SLC44A5: variants seen among roughly 807,000 people sequenced by gnomAD.
SLC44A5 encodes choline transporter-like protein 5.
In SLC44A5, 57 loss-of-function variants were observed where a neutral mutation model predicts 101.8. That is an observed-to-expected ratio of 0.56 (90% CI 0.45 to 0.70). The LOEUF is 0.70. Among genes scored for constraint, SLC44A5 ranks in the 30% least tolerant of loss-of-function variants. The pLI, the probability that SLC44A5 is intolerant of heterozygous loss-of-function variation, is 0.00. For missense variants in SLC44A5, 737 were observed against 853.1 expected (o/e 0.86, Z 1.70); for synonymous variants, 281 against 290.9 (o/e 0.97, Z 0.35).
At chr1:75,206,686 T>C (rs1418165026) in intron 23 of SLC44A5, 2 of 1,612,830 alleles carry the variant, frequency 1.2e-6, no homozygotes, top group Admixed American at 1.7e-5. Flanking sequence ...GTAGGGTTTT[T>C]CTGTAGATCC....
At chr1:75,470,653 A>G (rs1356144168) in intron 2 of SLC44A5, among the ~76,000 whole-genome samples, 5 of 152,044 alleles carry the variant, frequency 3.3e-5, no homozygotes, top group African/African-American at 1.2e-4. Context: ...AACCTACACC[A>G]TGAGTAGGTG....
the SLC44A5 span, among the ~76,000 whole-genome samples, chr1:75,683,809 GA>G: frequency 1.3e-5 from 2 of 150,984 alleles, no homozygotes; most frequent in South Asian, 4.2e-4. Flanking sequence ...AATAAGACAG[GA>G]AAAAAAGAAG....
intron 1 of SLC44A5, among the ~76,000 whole-genome samples, chr1:75,560,808 A>G (rs1672476863): frequency 6.6e-6 from 1 of 152,132 alleles, no homozygotes; most frequent in Admixed American, 6.6e-5. Context: ...CGAATCACCT[A>G]CTATATCTGC....
chr1:75,680,750 C>A, the SLC44A5 span, among the ~76,000 whole-genome samples: 2 of 151,678 alleles, frequency 1.3e-5, no homozygotes, highest in African/African-American at 2.4e-5. Context: ...AAGGCAAGAC[C>A]TAACTAAAAT....
intron 2 of SLC44A5, among the ~76,000 whole-genome samples, chr1:75,453,931 C>A (rs1365191975): frequency 6.6e-6 from 1 of 151,894 alleles, no homozygotes; most frequent in Non-Finnish European, 1.5e-5. Context: ...AAAAGAAGCC[C>A]TAGGCAAGAT....
chr1:75,546,037 G>T (rs1366500775), intron 1 of SLC44A5, among the ~76,000 whole-genome samples: 1 of 151,948 alleles, frequency 6.6e-6, no homozygotes. Context: ...ACCCAAGATG[G>T]TCTTGAACTC....
At chr1:75,553,599 A>C (rs746514608) in intron 1 of SLC44A5, among the ~76,000 whole-genome samples, 2 of 152,166 alleles carry the variant, frequency 1.3e-5, no homozygotes, top group Non-Finnish European at 2.9e-5. Context: ...AATGGGGGAG[A>C]AGGGAGGAAA....
intron 7 of SLC44A5, among the ~76,000 whole-genome samples, chr1:75,247,046 T>C (rs751319672): frequency 2.0e-4 from 31 of 152,060 alleles, no homozygotes; most frequent in Admixed American, 3.3e-4. Flanking sequence ...ATCAGACTTA[T>C]ATTTAACAGG....
At chr1:75,676,502 AG>A in the SLC44A5 span, among the ~76,000 whole-genome samples, 4 of 152,142 alleles carry the variant, frequency 2.6e-5, no homozygotes, top group African/African-American at 7.2e-5. Flanking sequence ...AGCTGAACAT[AG>A]AAACATAGGG....
At chr1:75,568,232 A>T (rs1455276248) in intron 1 of SLC44A5, among the ~76,000 whole-genome samples, 2 of 152,316 alleles carry the variant, frequency 1.3e-5, no homozygotes, top group African/African-American at 4.8e-5. Context: ...ACACTCAAGG[A>T]TTTATTATCA....
At chr1:75,617,892 T>A in the SLC44A5 span, among the ~76,000 whole-genome samples, 3 of 152,268 alleles carry the variant, frequency 2.0e-5, no homozygotes, top group Admixed American at 6.5e-5. Flanking sequence ...TATATTAGAA[T>A]AATGTTTTTC....
upstream of SLC44A5, among the ~76,000 whole-genome samples, chr1:75,613,832 T>C (rs972880336): frequency 6.6e-6 from 1 of 152,198 alleles, no homozygotes; most frequent in South Asian, 2.1e-4. Flanking sequence ...CAAAAACTTT[T>C]TGGTGTTTTG....
intron 6 of SLC44A5, among the ~76,000 whole-genome samples, chr1:75,264,659 A>G (rs76896302): frequency 0.051 from 7,808 of 152,234 alleles, 247 homozygotes; most frequent in Middle Eastern, 0.13. Flanking sequence ...CTAAGAGGAA[A>G]ATTTATGGCA....
Position 75,350,193 on chromosome 1 carries a change from C to A in SLC44A5, c.53-10563G>T, listed in dbSNP as rs114064726. ...GGGTTCCCATGATTAGATTAGAGTT[C>A]TTATAAGAAGAGGAAAGGAGACCAG... On this transcript the variant is annotated intron_variant, in intron 3 of 23. Transcript: ENST00000370859. Among the ~76,000 whole-genome samples, 1,042 of 151,986 alleles carry A rather than the reference C, an allele frequency of 6.9e-3. 18 individuals carry two copies. The highest frequency in any genetic ancestry group is 0.023 in the African/African-American group (972 of 41,436).
the SLC44A5 span, among the ~76,000 whole-genome samples, chr1:75,634,953 C>A: frequency 1.3e-5 from 2 of 151,892 alleles, no homozygotes; most frequent in Admixed American, 6.6e-5. Context: ...AACTCAAACA[C>A]ATTTACAAGA....
At chr1:75,450,737 C>T (rs1015291373) in intron 2 of SLC44A5, among the ~76,000 whole-genome samples, 1 of 152,186 alleles carries the variant, frequency 6.6e-6, no homozygotes, top group Non-Finnish European at 1.5e-5. Flanking sequence ...ACCCCATGCC[C>T]AGGCAGATTT....
the SLC44A5 span, among the ~76,000 whole-genome samples, chr1:75,651,183 G>A: frequency 2.0e-5 from 3 of 152,130 alleles, no homozygotes; most frequent in Non-Finnish European, 4.4e-5. Flanking sequence ...GCCCTGACTT[G>A]GGTATTCCTA....
intron 12 of SLC44A5, among the ~76,000 whole-genome samples, chr1:75,230,745 T>C (rs1159320518): frequency 6.6e-6 from 1 of 152,180 alleles, no homozygotes; most frequent in Non-Finnish European, 1.5e-5. Flanking sequence ...GTCTCCCAAG[T>C]AGCTGGGACT....
At chr1:75,452,718 A>C (rs1665973104) in intron 2 of SLC44A5, among the ~76,000 whole-genome samples, 1 of 152,116 alleles carries the variant, frequency 6.6e-6, no homozygotes, top group South Asian at 2.1e-4. Context: ...TTATCATCCA[A>C]ATGAAAAAAG....
Sources: allele counts gnomAD v4.1 joint callset (sites outside exome capture counted in the v4.1 genomes callset), GRCh38; gene constraint gnomAD v4.1.1; transcripts MANE v1.5; gene names NCBI Gene and HGNC (gene_info 2026-07-23, HGNC 2026-07-21).